Variants in ARMC9 observed in about 807,000 individuals in gnomAD.
ARMC9 encodes the protein lisH domain-containing protein ARMC9.
ARMC9 carries 94 observed loss-of-function variants against 107.0 expected under a neutral mutation model. The ratio of observed to expected loss-of-function variants is 0.88; its 90% confidence interval spans 0.74 to 1.04. ARMC9 has a LOEUF of 1.04. Ranked by LOEUF, ARMC9 falls within the 50% of genes least tolerant of loss-of-function variation. The pLI, the probability that ARMC9 is intolerant of heterozygous loss-of-function variation, is 0.00. For missense variants in ARMC9, 942 were observed against 1,030.1 expected, an observed-to-expected ratio of 0.91 and a Z score of 1.17; for synonymous variants, 380 against 396.9, an observed-to-expected ratio of 0.96 and a Z score of 0.51.
At chr2:231,213,545 C>T (rs1307311956) in intron 3 of ARMC9, among the ~76,000 whole-genome samples, 2 of 150,442 alleles carry the variant, frequency 1.3e-5, no homozygotes, top group African/African-American at 4.9e-5. Flanking sequence ...GGCGCAATCT[C>T]GGCTCACCCC....
intron 19 of ARMC9, among the ~76,000 whole-genome samples, chr2:231,301,093 A>G (rs2041696110): frequency 6.6e-6 from 1 of 152,236 alleles, no homozygotes; most frequent in South Asian, 2.1e-4. Flanking sequence ...CTACACACAG[A>G]TCCATATATA....
chr2:231,350,931 C>T (rs184526381), intron 21 of ARMC9, among the ~76,000 whole-genome samples: 1 of 138,048 alleles, frequency 7.2e-6, no homozygotes, highest in African/African-American at 2.9e-5. Flanking sequence ...ATCCTATTTG[C>T]ACAAAGTGAC....
At chr2:231,319,004 C>T (rs1011477266) in intron 19 of ARMC9, among the ~76,000 whole-genome samples, 2 of 152,054 alleles carry the variant, frequency 1.3e-5, no homozygotes, top group African/African-American at 4.8e-5. Flanking sequence ...GAGGCAGAAG[C>T]ATATTGGGGG....
At chr2:231,316,664 C>A (rs951117024) in intron 19 of ARMC9, among the ~76,000 whole-genome samples, 69 of 130,828 alleles carry the variant, frequency 5.3e-4, no homozygotes, top group Non-Finnish European at 5.6e-4. Context: ...GACTCCATCT[C>A]AAAAAAAAAA....
At chr2:231,302,854 AT>A (rs2125497114) in intron 19 of ARMC9, among the ~76,000 whole-genome samples, 1 of 152,212 alleles carries the variant, frequency 6.6e-6, no homozygotes, top group South Asian at 2.1e-4. Context: ...AAATACAAAA[AT>A]TAGCTGGGCA....
intron 1 of ARMC9, among the ~76,000 whole-genome samples, chr2:231,204,411 A>G (rs559743890): frequency 1.4e-3 from 207 of 152,170 alleles, no homozygotes; most frequent in African/African-American, 4.4e-3. Flanking sequence ...TAACAAAGCC[A>G]TCTTCCCCAG....
chr2:231,371,435 G>C, intron 24 of ARMC9, 78 bp from the exon 25 acceptor site: 1 of 1,340,856 alleles, frequency 7.5e-7, no homozygotes, highest in South Asian at 2.1e-5. Flanking sequence ...CCGGCTGAAA[G>C]AGGGACTGAG....
At position 231,362,209 on chromosome 2, in the gene ARMC9, C is replaced by G. The variant is rs982343906; in HGVS notation, c.2261+1326C>G. Among the ~76,000 whole-genome samples, 2 of 152,148 alleles carry G rather than the reference C, an allele frequency of 1.3e-5. No individual in the cohort carries two copies. Among genetic ancestry groups the G allele is most frequent in the Non-Finnish European group, 2.9e-5 (2 of 68,024 alleles). ...TTTCTGTGGCTGAAGAGGAGCTTGTCAGCTAGACCAGGGGTTCTCAGGCTC... is the reference window on the plus strand; with the variant it reads ...TTTCTGTGGCTGAAGAGGAGCTTGTGAGCTAGACCAGGGGTTCTCAGGCTC... On this transcript the variant is annotated intron_variant, in intron 23 of 24. Transcript: ENST00000611582. The surrounding 1 kb of genome is among the most constrained non-coding windows in gnomAD (Gnocchi z 4.7).
In ARMC9 at chr2:231,222,781, A is replaced by T. The variant is rs1013210249; in HGVS notation, c.558A>T (p.Ile186=). ...KLKLIKFLAL[I]SKASNTPKLL... Reference sequence around the variant, plus strand: ...AGTTGATAAAGTTTCTAGCTTTAATATCTAAAGCCAGCAACACGCCAAAGC... The same window carrying T: ...AGTTGATAAAGTTTCTAGCTTTAATTTCTAAAGCCAGCAACACGCCAAAGC... The change falls in exon 6 of 25, where the codon ATA becomes ATT. Residue 186 remains isoleucine (I), a synonymous_variant. Transcript: ENST00000611582. The T allele has an allele frequency of 6.3e-7, 1 of 1,595,082 alleles. No individual in the cohort carries two copies.
Position 231,374,195 on chromosome 2 carries a change from G to A in ARMC9, c.*2660G>A, listed in dbSNP as rs894021531. On this transcript the variant is annotated 3_prime_UTR_variant, in exon 25 of 25. Transcript: ENST00000611582. ...AACCTGTTTAAAGGCCAGATCTCCA[G>A]ATGGAGATCCAAGCAGATGGCGCCT... The A allele has an allele frequency of 6.6e-6, 1 of 152,194 alleles. No individual in the cohort carries two copies. The highest frequency in any genetic ancestry group is 1.5e-5 in the Non-Finnish European group (1 of 68,042). 9.4% of individuals were successfully genotyped at this position (152,194 alleles called of 1,614,324 possible).
chr2:231,285,640 C>A (rs1177008520), intron 17 of ARMC9, among the ~76,000 whole-genome samples: 5 of 136,020 alleles, frequency 3.7e-5, no homozygotes, highest in Non-Finnish European at 8.1e-5. Context: ...GGTGAGACTC[C>A]GTCTCAAAAA....
chr2:231,250,950 A>C (rs1170982857), intron 9 of ARMC9, among the ~76,000 whole-genome samples: 1 of 152,198 alleles, frequency 6.6e-6, no homozygotes, highest in African/African-American at 2.4e-5. Flanking sequence ...AAGTTCCTAC[A>C]GTGGCATGCC....
intron 21 of ARMC9, among the ~76,000 whole-genome samples, chr2:231,347,119 G>A (rs745492265): frequency 3.3e-5 from 5 of 152,110 alleles, no homozygotes; most frequent in Non-Finnish European, 5.9e-5. Context: ...ATTTGAGGAC[G>A]TTTTCCATGC....
At chr2:231,361,807 A>T (rs1418911485) in intron 23 of ARMC9, among the ~76,000 whole-genome samples, 3 of 152,130 alleles carry the variant, frequency 2.0e-5, no homozygotes. Context: ...GCCCCCGGAG[A>T]GGACAGGCAG....
At chr2:231,310,910 T>G (rs936953494) in intron 19 of ARMC9, among the ~76,000 whole-genome samples, 1 of 152,070 alleles carries the variant, frequency 6.6e-6, no homozygotes, top group Non-Finnish European at 1.5e-5. Flanking sequence ...GAGGATCGCT[T>G]GAGCCCAGGA....
rs1013009169 is a variant in ARMC9, at chr2:231,376,092, A to T, written c.*4557A>T. Among the ~76,000 whole-genome samples the T allele has an allele frequency of 6.6e-6, 1 of 152,162 alleles. No homozygotes were observed. Among genetic ancestry groups the T allele is most frequent in the African/African-American group, 2.4e-5 (1 of 41,440 alleles). Reference sequence around the variant, plus strand: ...CTTGTGATTTCCTATGCCTGTCTTTACTTTAATCTCTTAATCCTGTCAGCT... The same window carrying T: ...CTTGTGATTTCCTATGCCTGTCTTTTCTTTAATCTCTTAATCCTGTCAGCT... On this transcript the variant is annotated 3_prime_UTR_variant, in exon 25 of 25. Transcript: ENST00000611582.
At chr2:231,230,265 A>G (rs370067406) in intron 7 of ARMC9, among the ~76,000 whole-genome samples, 1 of 152,020 alleles carries the variant, frequency 6.6e-6, no homozygotes, top group East Asian at 1.9e-4. Flanking sequence ...CAGGAGGCTG[A>G]GATGGAAGGA....
intron 21 of ARMC9, among the ~76,000 whole-genome samples, chr2:231,352,909 T>C (rs1368738726): frequency 1.6e-5 from 2 of 123,124 alleles, no homozygotes; most frequent in Non-Finnish European, 3.1e-5. Flanking sequence ...CTACTAAAAA[T>C]ACAAAAATTT....
Position 231,373,121 on chromosome 2 carries a change from G to C in ARMC9, c.*1586G>C, listed in dbSNP as rs374194065. The C allele has an allele frequency of 1.3e-5, 2 of 152,256 alleles. No individual in the cohort carries two copies. Among genetic ancestry groups the C allele is most frequent in the Non-Finnish European group, 2.9e-5 (2 of 68,080 alleles). 9.4% of individuals were successfully genotyped at this position (152,256 alleles called of 1,614,324 possible). On this transcript the variant is annotated 3_prime_UTR_variant, in exon 25 of 25. Coordinates refer to ENST00000611582, the MANE Select transcript of ARMC9 (RefSeq NM_001352754.2). This position sits in a 1 kb window ranked among gnomAD's most constrained non-coding sequence, Gnocchi z 4.4. ...TCTGTGCTCAGGGAAGAAGGCTGCC[G>C]TCCTGACCTGTCAGCCACCAGGCCC...
Sources: allele counts gnomAD v4.1 joint callset (sites outside exome capture counted in the v4.1 genomes callset), GRCh38; gene constraint gnomAD v4.1.1; non-coding constraint Gnocchi (gnomAD v3.1); transcripts MANE v1.5; gene names NCBI Gene and HGNC (gene_info 2026-07-23, HGNC 2026-07-21).